GPC5: variants seen among roughly 807,000 people sequenced by gnomAD.
GPC5 encodes glypican-5.
A neutral mutation model predicts 53.9 loss-of-function variants in GPC5; 47 were observed. The observed-to-expected ratio is 0.87, with a 90% CI of 0.69 to 1.11. The LOEUF (loss-of-function observed/expected upper bound fraction) is 1.11. Among genes scored for constraint, GPC5 ranks in the 50% most tolerant of loss-of-function variants. The pLI, the probability that GPC5 is intolerant of heterozygous loss-of-function variation, is 0.00. For synonymous variants in GPC5, 286 were observed against 263.3 expected, an observed-to-expected ratio of 1.09 and a Z score of -0.84; for missense variants, 748 against 713.1, an observed-to-expected ratio of 1.05 and a Z score of -0.56.
chr13:92,695,946 G>A (rs1037864141), intron 7 of GPC5, among the ~76,000 whole-genome samples: 5 of 152,076 alleles, frequency 3.3e-5, no homozygotes, highest in Non-Finnish European at 7.3e-5. Context: ...AGAACATGCT[G>A]TGTTTGGTTT....
rs148750411 is a variant in GPC5 at position 92,292,044 on chromosome 13, C to T, written c.1561+147055C>T. Among the ~76,000 whole-genome samples, 472 of 152,346 alleles carry T rather than the reference C, an allele frequency of 3.1e-3. 2 individuals are homozygous for T. The highest frequency in any genetic ancestry group is 0.011 in the African/African-American group (451 of 41,578). On this transcript the variant is annotated intron_variant, in intron 7 of 7. Coordinates refer to ENST00000377067, the MANE Select transcript of GPC5 (RefSeq NM_004466.6). ...CAGTGAGACCAAGAACCCACCAATT[C>T]CGGACACATATATACCATAGTTTCT...
chr13:92,844,191 T>A lies in GPC5; in HGVS notation c.1562-22091T>A, dbSNP rs550106750. On this transcript the variant is annotated intron_variant, in intron 7 of 7. Coordinates refer to ENST00000377067, the MANE Select transcript of GPC5 (RefSeq NM_004466.6). Reference sequence around the variant, plus strand: ...AACGTTGTTTTTAACAGAGACTCCATTTTCATACTAAATCTTAGAAAAAAA... The same window carrying A: ...AACGTTGTTTTTAACAGAGACTCCAATTTCATACTAAATCTTAGAAAAAAA... 3.2e-4 allele frequency among the ~76,000 whole-genome samples: 49 copies of A among 152,188 alleles called. No homozygotes were observed. In the South Asian group the frequency reaches 0.01, roughly 32 times the overall value.
chr13:92,361,415 T>A (rs1185724685), intron 7 of GPC5, among the ~76,000 whole-genome samples: 1 of 151,750 alleles, frequency 6.6e-6, no homozygotes, highest in Non-Finnish European at 1.5e-5. Context: ...AAAAGGTAGT[T>A]AAATTCTAAA....
intron 2 of GPC5, among the ~76,000 whole-genome samples, chr13:91,499,028 G>T (rs1466320145): frequency 6.6e-6 from 1 of 152,072 alleles, no homozygotes; most frequent in African/African-American, 2.4e-5. Flanking sequence ...CATGATTAGG[G>T]ATGGGGCTCA....
At chr13:92,030,260 G>C (rs1450098459) in intron 6 of GPC5, among the ~76,000 whole-genome samples, 1 of 152,036 alleles carries the variant, frequency 6.6e-6, no homozygotes, top group Non-Finnish European at 1.5e-5. Context: ...CCCTCAGTTG[G>C]GGACTCATGA....
intron 5 of GPC5, among the ~76,000 whole-genome samples, chr13:91,858,075 A>G (rs2038986737): frequency 6.6e-6 from 1 of 151,536 alleles, no homozygotes. Context: ...TATTGTTTTT[A>G]GTAATATATT....
intron 7 of GPC5, among the ~76,000 whole-genome samples, chr13:92,487,762 G>A (rs927811930): frequency 6.6e-6 from 1 of 150,670 alleles, no homozygotes. Context: ...TGAGAGTTGT[G>A]AGACAAACAT....
chr13:92,518,118 T>C (rs1227072543), intron 7 of GPC5, among the ~76,000 whole-genome samples: 3 of 152,076 alleles, frequency 2.0e-5, no homozygotes, highest in Non-Finnish European at 4.4e-5. Context: ...CCAAGAAATA[T>C]AGGACTCTGT....
intron 7 of GPC5, among the ~76,000 whole-genome samples, chr13:92,639,372 C>A (rs1885515698): frequency 6.6e-6 from 1 of 152,118 alleles, no homozygotes. Flanking sequence ...TGTTTCCCAC[C>A]TGTTCTGTAC....
intron 7 of GPC5, among the ~76,000 whole-genome samples, chr13:92,228,612 G>A (rs1474580104): frequency 6.6e-6 from 1 of 152,112 alleles, no homozygotes; most frequent in African/African-American, 2.4e-5. Context: ...TAAGGAAGAT[G>A]ATCTTGAATT....
In GPC5 at chr13:92,358,789, G is replaced by A. The variant is rs186224492; in HGVS notation, c.1561+213800G>A. On this transcript the variant is annotated intron_variant, in intron 7 of 7. Coordinates refer to ENST00000377067, the MANE Select transcript of GPC5 (RefSeq NM_004466.6). ...TGGAACACAGGAAGCAATGTCTTGA[G>A]GTTGTTTAGGGCAGCGGGGCCCTGG... Among the ~76,000 whole-genome samples, 9 of 151,916 alleles carry A rather than the reference G, an allele frequency of 5.9e-5. 1 individual carries two copies. Among genetic ancestry groups the A allele is most frequent in the African/African-American group, 2.2e-4 (9 of 41,180 alleles).
intron 1 of GPC5, among the ~76,000 whole-genome samples, chr13:91,423,214 G>C (rs926220644): frequency 6.6e-6 from 1 of 152,150 alleles, no homozygotes; most frequent in Non-Finnish European, 1.5e-5. Flanking sequence ...GACTTGAAAT[G>C]GTATAGTGTA....
intron 7 of GPC5, among the ~76,000 whole-genome samples, chr13:92,425,162 G>C (rs1306284000): frequency 6.6e-6 from 1 of 151,680 alleles, no homozygotes; most frequent in African/African-American, 2.4e-5. Context: ...TCAATTCTCT[G>C]TTCCTTTGTA....
intron 7 of GPC5, among the ~76,000 whole-genome samples, chr13:92,222,310 ATTG>A (rs1296623852): frequency 6.6e-6 from 1 of 152,150 alleles, no homozygotes; most frequent in East Asian, 1.9e-4. Context: ...ACACCTTAAA[ATTG>A]TTTTTACAGT....
intron 6 of GPC5, among the ~76,000 whole-genome samples, chr13:92,131,159 C>T (rs2041740020): frequency 2.0e-5 from 3 of 151,750 alleles, no homozygotes. Context: ...ACTAAATACC[C>T]AAAATTAAAA....
intron 7 of GPC5, among the ~76,000 whole-genome samples, chr13:92,738,822 G>A (rs908450942): frequency 2.0e-5 from 3 of 152,050 alleles, no homozygotes; most frequent in Non-Finnish European, 2.9e-5. Flanking sequence ...GAAGCCATAC[G>A]TTGCATATCA....
intron 6 of GPC5, among the ~76,000 whole-genome samples, chr13:92,111,882 G>A (rs1009709174): frequency 6.6e-6 from 1 of 152,144 alleles, no homozygotes; most frequent in African/African-American, 2.4e-5. Flanking sequence ...TTGAAGGGAG[G>A]ATGATAAAAG....
chr13:92,706,464 C>A (rs9523784), intron 7 of GPC5, among the ~76,000 whole-genome samples: 85 of 152,080 alleles, frequency 5.6e-4, no homozygotes, highest in African/African-American at 2.0e-3. Context: ...TAAGATAGCA[C>A]TAGTGTTGGA....
chr13:92,296,418 G>A (rs12855057), intron 7 of GPC5, among the ~76,000 whole-genome samples: 1,554 of 152,240 alleles, frequency 0.01, 27 homozygotes, highest in Middle Eastern at 0.044. Context: ...CCTTGGGCAG[G>A]TCTTGCTGCT....
Sources: allele counts gnomAD v4.1 joint callset (sites outside exome capture counted in the v4.1 genomes callset), GRCh38; gene constraint gnomAD v4.1.1; transcripts MANE v1.5; gene names NCBI Gene and HGNC (gene_info 2026-07-23, HGNC 2026-07-21).